The following U2SURP variants were observed in gnomAD, a reference collection of about 807,000 sequenced individuals.
U2SURP encodes U2 snRNP associated SURP domain containing.
U2SURP carries 9 observed loss-of-function variants against 144.9 expected under a neutral mutation model. That is an observed-to-expected ratio of 0.06 (90% CI 0.04 to 0.11). The LOEUF (loss-of-function observed/expected upper bound fraction) is 0.11. Ranked by LOEUF, U2SURP falls within the 10% of genes least tolerant of loss-of-function variation. U2SURP has a pLI of 1.00. For synonymous variants in U2SURP, 408 were observed against 396.8 expected, an observed-to-expected ratio of 1.03 and a Z score of -0.33; for missense variants, 724 against 1,226.7, an observed-to-expected ratio of 0.59 and a Z score of 6.12.
Position 143,005,153 on chromosome 3 carries a change from T to C in U2SURP, c.45+3480T>C, listed in dbSNP as rs573702335. Among the ~76,000 whole-genome samples the C allele has an allele frequency of 1.6e-4, 24 of 148,394 alleles. No homozygotes were observed. In the South Asian group the frequency reaches 5.0e-3, roughly 31 times the overall value. ...TCTGTGACTATGGCTTTTTTTTTTTTTTTCTTTTTTGCCGTATCGCCAAAA... is the reference window on the plus strand; with the variant it reads ...TCTGTGACTATGGCTTTTTTTTTTTCTTTCTTTTTTGCCGTATCGCCAAAA... On this transcript the variant is annotated intron_variant, in intron 1 of 27. Coordinates refer to ENST00000473835, the MANE Select transcript of U2SURP (RefSeq NM_001080415.2).
At chr3:143,002,454 A>G (rs1428627139) in intron 1 of U2SURP, 1 of 152,240 alleles carries the variant, frequency 6.6e-6, no homozygotes, top group Admixed American at 6.5e-5. Flanking sequence ...GTAGTTAAGC[A>G]TTAGTACGGT....
At chr3:143,019,294 A>C (rs986946107) in intron 6 of U2SURP, among the ~76,000 whole-genome samples, 14 of 152,228 alleles carry the variant, frequency 9.2e-5, no homozygotes, top group African/African-American at 3.1e-4. Context: ...CCAATTTATC[A>C]GTTTTTTTCT....
Position 143,055,084 on chromosome 3 carries a change from A to C in U2SURP, c.2916A>C (p.Lys972Asn). The change falls in exon 27 of 28, where the codon AAA (lysine) becomes AAC (asparagine). Residue 972 changes from lysine (K) to asparagine (N), a missense_variant. Physicochemically the swap from Lys to Asn is moderately conservative, Grantham distance 94. This residue lies in a region of U2SURP where 129 missense variants were observed against 196.1 expected (regional missense o/e 0.66). Coordinates refer to ENST00000473835, the MANE Select transcript of U2SURP (RefSeq NM_001080415.2). ...GCTCACGGTCCAGGTCATCTCACAA[A>C]GATTCTCCTAGAGATGTTAGCAAAA... ...KESSRSRSSH[K>N]DSPRDVSKKA... 1 of 1,605,368 alleles carries C rather than the reference A, an allele frequency of 6.2e-7. No homozygotes were observed. Among genetic ancestry groups the C allele is most frequent in the Non-Finnish European group, 8.5e-7 (1 of 1,176,586 alleles).
At chr3:143,036,467 T>A (rs1933815048) in intron 20 of U2SURP, among the ~76,000 whole-genome samples, 1 of 152,236 alleles carries the variant, frequency 6.6e-6, no homozygotes, top group African/African-American at 2.4e-5. Context: ...ATGCATCACA[T>A]GATAGCAGAT....
rs1187412946 is a variant in U2SURP, at chr3:143,058,285, A to G, written c.*1835A>G. 2 of 151,912 alleles carry G rather than the reference A, an allele frequency of 1.3e-5. No individual in the cohort carries two copies. Among genetic ancestry groups the G allele is most frequent in the African/African-American group, 2.4e-5 (1 of 41,424 alleles). 9.4% of individuals were successfully genotyped at this position (151,912 alleles called of 1,614,324 possible). ...CTTAGAAATAATTGGTCAGGTAATA[A>G]TCTTTCCAGTCAAGTTGCAAGGGAT... On this transcript the variant is annotated 3_prime_UTR_variant, in exon 28 of 28. Transcript: ENST00000473835.
rs1340956522 is a variant in U2SURP, at chr3:143,047,654, G to A, written c.2545-3285G>A. 2.8e-3 allele frequency among the ~76,000 whole-genome samples: 144 copies of A among 52,226 alleles called. 15 individuals carry two copies. The highest frequency in any genetic ancestry group is 4.7e-3 in the Admixed American group (25 of 5,286). The allele number at this position is 52,226 out of a possible 152,430, so 34.3% of individuals were successfully genotyped here. ...CCCCCCCTCCCGCCTCCCGGACGGGGCGGCTGGCCGGGCAGAGGGGCTCCT... is the reference window on the plus strand; with the variant it reads ...CCCCCCCTCCCGCCTCCCGGACGGGACGGCTGGCCGGGCAGAGGGGCTCCT... On this transcript the variant is annotated intron_variant, in intron 24 of 27. Transcript: ENST00000473835.
At chr3:143,020,160 T>C in intron 7 of U2SURP, 124 bp downstream of exon 7, 1 of 570,192 alleles carries the variant, frequency 1.8e-6, no homozygotes, top group Non-Finnish European at 2.8e-6. Context: ...TGAGATTGTT[T>C]TAGATATTAT....
chr3:143,043,832 A>G (rs887363753), intron 24 of U2SURP, among the ~76,000 whole-genome samples: 1 of 149,578 alleles, frequency 6.7e-6, no homozygotes, highest in Non-Finnish European at 1.5e-5. Flanking sequence ...GCAGTGGCGC[A>G]GTCTCGGCTC....
At chr3:143,013,913 G>A (rs571281406) in intron 3 of U2SURP, among the ~76,000 whole-genome samples, 164 of 152,050 alleles carry the variant, frequency 1.1e-3, no homozygotes, top group African/African-American at 3.4e-3. Context: ...TCCTGCCCCA[G>A]GACCATGGAA....
chr3:143,023,877 T>TA (rs1932977571), intron 12 of U2SURP, 98 bp from the exon 13 acceptor site: 1 of 1,100,794 alleles, frequency 9.1e-7, no homozygotes, highest in East Asian at 2.4e-5. Flanking sequence ...TGTGATTAGA[T>TA]ATGTAGTATT....
At position 143,046,991 on chromosome 3, in the gene U2SURP, CG is replaced by C. The variant is rs1201307907; in HGVS notation, c.2544+3721del. Among the ~76,000 whole-genome samples, 36 of 84,896 alleles carry C rather than the reference CG, an allele frequency of 4.2e-4. 2 individuals carry two copies. Among genetic ancestry groups the C allele is most frequent in the Admixed American group, 2.1e-3 (18 of 8,508 alleles). 55.7% of individuals were successfully genotyped at this position (84,896 alleles called of 152,430 possible). A position where few individuals can be genotyped will look rare whatever the true frequency, so the allele number is the denominator to read the frequency against. On this transcript the variant is annotated intron_variant, in intron 24 of 27. Coordinates refer to ENST00000473835, the MANE Select transcript of U2SURP (RefSeq NM_001080415.2). ...CTCCCGGACGGGGCGGCTGGCCGGG[CG>C]GGGGGCTGACCCCCCCACCTCCCTC...
intron 1 of U2SURP, among the ~76,000 whole-genome samples, chr3:143,007,647 T>A (rs1330299511): frequency 1.3e-5 from 2 of 152,086 alleles, no homozygotes; most frequent in Admixed American, 6.5e-5. Context: ...TTTGCTGTGT[T>A]AGCCAGGATG....
rs1339171827 is a variant in U2SURP at position 143,058,440 on chromosome 3, T to A, written c.*1990T>A. ...GCAGTTCTTTTTTTCTGGATCCAGA[T>A]ACAAGTGTCATGGTTTATCTTACAG... On this transcript the variant is annotated 3_prime_UTR_variant, in exon 28 of 28. Coordinates refer to ENST00000473835, the MANE Select transcript of U2SURP (RefSeq NM_001080415.2). The A allele has an allele frequency of 4.6e-5, 7 of 152,034 alleles. No homozygotes were observed. Among genetic ancestry groups the A allele is most frequent in the Non-Finnish European group, 1.0e-4 (7 of 67,800 alleles). The allele number at this position is 152,034 out of a possible 1,614,324, so 9.4% of individuals were successfully genotyped here.
intron 6 of U2SURP, among the ~76,000 whole-genome samples, chr3:143,019,230 G>C (rs1936519839): frequency 6.6e-6 from 1 of 152,070 alleles, no homozygotes. Context: ...TGTTCTCTGG[G>C]TTGTCTTTGC....
chr3:143,045,979 T>C (rs996432476), intron 24 of U2SURP, among the ~76,000 whole-genome samples: 11 of 152,212 alleles, frequency 7.2e-5, no homozygotes, highest in African/African-American at 1.4e-4. Flanking sequence ...GCCCCTAAAT[T>C]TGGATATCCA....
intron 3 of U2SURP, among the ~76,000 whole-genome samples, chr3:143,013,479 A>T (rs1936214239): frequency 6.6e-6 from 1 of 152,048 alleles, no homozygotes. Flanking sequence ...ATGACTAGGG[A>T]ATTTAAAGTC....
chr3:143,011,967 G>A (rs1440210751), intron 2 of U2SURP: 1 of 582,464 alleles, frequency 1.7e-6, no homozygotes, highest in East Asian at 3.9e-5. Context: ...TGAAAATGAA[G>A]GTAACGAACC....
intron 13 of U2SURP, among the ~76,000 whole-genome samples, chr3:143,025,585 A>C (rs1036985993): frequency 6.6e-6 from 1 of 152,180 alleles, no homozygotes; most frequent in African/African-American, 2.4e-5. Flanking sequence ...CCTTCCTTCA[A>C]AATAATGTCA....
intron 16 of U2SURP, among the ~76,000 whole-genome samples, chr3:143,032,254 G>A (rs964884922): frequency 1.3e-5 from 2 of 152,032 alleles, no homozygotes; most frequent in African/African-American, 4.8e-5. Flanking sequence ...TATATTTTTA[G>A]TACAGACAGG....
Sources: allele counts gnomAD v4.1 joint callset (sites outside exome capture counted in the v4.1 genomes callset), GRCh38; gene constraint gnomAD v4.1.1; regional missense constraint gnomAD v4.1.1; transcripts MANE v1.5; gene names NCBI Gene and HGNC (gene_info 2026-07-23, HGNC 2026-07-21).